The following FAM53B variants were observed in gnomAD, a reference collection of about 807,000 sequenced individuals.
FAM53B encodes protein FAM53B.
A neutral mutation model predicts 32.7 loss-of-function variants in FAM53B; 12 were observed. The ratio of observed to expected loss-of-function variants is 0.37; its 90% CI spans 0.24 to 0.59. The LOEUF (loss-of-function observed/expected upper bound fraction) is 0.59. Ranked by LOEUF, FAM53B falls within the 20% of genes least tolerant of loss-of-function variation. The pLI, the probability that FAM53B is intolerant of heterozygous loss-of-function variation, is 0.72. For synonymous variants in FAM53B, 234 were observed against 228.7 expected (o/e 1.02, Z -0.21); for missense variants, 477 against 577.7 (o/e 0.83, Z 1.79).
At chr10:124,734,217 TCTGA>T (rs1264506424) in intron 1 of FAM53B, among the ~76,000 whole-genome samples, 3 of 152,332 alleles carry the variant, frequency 2.0e-5, no homozygotes, top group Admixed American at 6.5e-5. Flanking sequence ...AAACCTGCAG[TCTGA>T]CTGTCCATAA....
intron 1 of FAM53B, among the ~76,000 whole-genome samples, chr10:124,721,114 A>G (rs1385624309): frequency 6.6e-6 from 1 of 152,246 alleles, no homozygotes; most frequent in Non-Finnish European, 1.5e-5. Flanking sequence ...GGGTGGGAAG[A>G]TCGCTTGAGT....
intron 2 of FAM53B, among the ~76,000 whole-genome samples, chr10:124,706,414 A>G (rs1949958697): frequency 6.6e-6 from 1 of 152,050 alleles, no homozygotes; most frequent in African/African-American, 2.4e-5. Context: ...CTCCTCATTC[A>G]CCAGATGACC....
At chr10:124,668,262 A>C (rs1175102632) in intron 4 of FAM53B, among the ~76,000 whole-genome samples, 1 of 152,238 alleles carries the variant, frequency 6.6e-6, no homozygotes, top group African/African-American at 2.4e-5. Context: ...CTCCCCAAAC[A>C]CACGGCCATC....
chr10:124,656,091 T>C lies in FAM53B; in HGVS notation c.906+25516A>G, dbSNP rs140067841. ...ACACAGTAGGTCCCAGAAAGACACA[T>C]TGAACAGGTGGCAAAGAGAAACCTG... On this transcript the variant is annotated intron_variant, in intron 4 of 4. Coordinates refer to ENST00000337318, the MANE Select transcript of FAM53B (RefSeq NM_014661.4). Among the ~76,000 whole-genome samples the C allele has an allele frequency of 1.3e-4, 20 of 152,318 alleles. No homozygotes were observed. In the East Asian group the frequency reaches 3.1e-3, roughly 23 times the overall value.
At chr10:124,660,633 C>G (rs971440301) in intron 4 of FAM53B, among the ~76,000 whole-genome samples, 15 of 152,252 alleles carry the variant, frequency 9.9e-5, no homozygotes, top group Non-Finnish European at 2.1e-4. Context: ...AGCCCTGCCA[C>G]ATTCCTGGGC....
intron 4 of FAM53B, among the ~76,000 whole-genome samples, chr10:124,635,148 A>C (rs1172599097): frequency 6.6e-6 from 1 of 152,150 alleles, no homozygotes; most frequent in Non-Finnish European, 1.5e-5. Flanking sequence ...GCTGGAGTGC[A>C]GTGGCATGAT....
intron 1 of FAM53B, among the ~76,000 whole-genome samples, chr10:124,714,803 T>C (rs1950029666): frequency 6.6e-6 from 1 of 151,842 alleles, no homozygotes; most frequent in Admixed American, 6.6e-5. Flanking sequence ...ATCAGTACTT[T>C]GCTAGTGCAG....
intron 1 of FAM53B, among the ~76,000 whole-genome samples, chr10:124,721,095 G>T (rs182473816): frequency 2.6e-3 from 395 of 152,324 alleles, no homozygotes; most frequent in Admixed American, 5.7e-3. Flanking sequence ...CCAGCTACTC[G>T]GGAGGTTGGG....
chr10:124,676,892 C>G (rs1025028749), intron 4 of FAM53B, among the ~76,000 whole-genome samples: 1 of 152,172 alleles, frequency 6.6e-6, no homozygotes, highest in African/African-American at 2.4e-5. Flanking sequence ...GCTAACACAA[C>G]AGTTGCTGCC....
At chr10:124,658,574 A>G (rs926358789) in intron 4 of FAM53B, among the ~76,000 whole-genome samples, 1 of 152,200 alleles carries the variant, frequency 6.6e-6, no homozygotes, top group Non-Finnish European at 1.5e-5. Flanking sequence ...ATGGTGCTGG[A>G]CCTTTGAGAA....
intron 1 of FAM53B, among the ~76,000 whole-genome samples, chr10:124,714,788 CT>C (rs1950029551): frequency 2.0e-5 from 3 of 151,012 alleles, no homozygotes; most frequent in Non-Finnish European, 4.4e-5. Context: ...AAGAAAACCT[CT>C]TTCATCAGTA....
chr10:124,684,531 T>G (rs1316826675), intron 3 of FAM53B, among the ~76,000 whole-genome samples: 3 of 152,180 alleles, frequency 2.0e-5, no homozygotes, highest in Non-Finnish European at 4.4e-5. Context: ...AAAAAAAATT[T>G]TTTTTTGAGA....
At chr10:124,668,667 C>G (rs929839743) in intron 4 of FAM53B, among the ~76,000 whole-genome samples, 1 of 152,250 alleles carries the variant, frequency 6.6e-6, no homozygotes, top group Non-Finnish European at 1.5e-5. Flanking sequence ...CCTAGGGAGG[C>G]ACAAGAGCAA....
rs1950219370 is a variant in FAM53B at position 124,744,253 on chromosome 10, C to G, written c.-415G>C. On this transcript the variant is annotated 5_prime_UTR_variant, in exon 1 of 5. Coordinates refer to ENST00000337318, the MANE Select transcript of FAM53B (RefSeq NM_014661.4). ...GCACCCGCCGCCGCCGCGGAGCCGC[C>G]AGACCGCGGCTGCGTGAACTCGGCC... The G allele has an allele frequency of 6.8e-6, 1 of 147,456 alleles. No homozygotes were observed. Among genetic ancestry groups the G allele is most frequent in the East Asian group, 1.9e-4 (1 of 5,140 alleles). The allele number at this position is 147,456 out of a possible 1,614,324, so 9.1% of individuals were successfully genotyped here.
At position 124,620,485 on chromosome 10, in the gene FAM53B, T is replaced by C. The variant is rs1949303120; in HGVS notation, c.*2757A>G. 1 of 152,218 alleles carries C rather than the reference T, an allele frequency of 6.6e-6. No individual in the cohort carries two copies. The highest frequency in any genetic ancestry group is 1.5e-5 in the Non-Finnish European group (1 of 68,082). The allele number at this position is 152,218 out of a possible 1,614,324, so 9.4% of individuals were successfully genotyped here. A position where few individuals can be genotyped will look rare whatever the true frequency, so the allele number is the denominator to read the frequency against. ...AGTCTCCCCTCAGAGGCAGGGTTTG[T>C]GGGCAAGGCTGTGACAAAAGTAAGG... On this transcript the variant is annotated 3_prime_UTR_variant, in exon 5 of 5. Coordinates refer to ENST00000337318, the MANE Select transcript of FAM53B (RefSeq NM_014661.4).
intron 4 of FAM53B, among the ~76,000 whole-genome samples, chr10:124,628,774 G>A (rs1454631350): frequency 1.3e-5 from 2 of 152,204 alleles, no homozygotes; most frequent in East Asian, 3.9e-4. Flanking sequence ...CCCAGCCAAT[G>A]ACCAACAGGT....
intron 4 of FAM53B, among the ~76,000 whole-genome samples, chr10:124,630,919 C>G (rs1034914334): frequency 3.3e-5 from 5 of 152,232 alleles, no homozygotes; most frequent in Non-Finnish European, 5.9e-5. Context: ...CTGTCTCAGA[C>G]TGGTCAGACT....
chr10:124,697,745 G>A (rs917421270), intron 2 of FAM53B, among the ~76,000 whole-genome samples: 1 of 152,080 alleles, frequency 6.6e-6, no homozygotes, highest in Non-Finnish European at 1.5e-5. Context: ...GGAGCTTCTA[G>A]GGCGGAAGGG....
intron 4 of FAM53B, among the ~76,000 whole-genome samples, chr10:124,634,800 T>TA (rs1180916695): frequency 1.3e-5 from 2 of 152,184 alleles, no homozygotes; most frequent in Non-Finnish European, 2.9e-5. Flanking sequence ...GAGTGACTGC[T>TA]AAGGGGTATG....
Sources: gnomAD v4.1 joint callset for allele counts (sites outside exome capture counted in the v4.1 genomes callset) on GRCh38, gnomAD v4.1.1 for gene constraint, MANE v1.5 for transcripts, NCBI Gene and HGNC (gene_info 2026-07-23, HGNC 2026-07-21) for gene names.